Variants in COX15 observed in about 807,000 individuals in gnomAD.
The protein encoded by COX15 is heme A synthase COX15.
A neutral mutation model predicts 51.9 loss-of-function variants in COX15; 51 were observed. The ratio of observed to expected loss-of-function variants is 0.98; its 90% CI spans 0.78 to 1.24. The LOEUF is 1.24. Among genes scored for constraint, COX15 ranks in the 50% most tolerant of loss-of-function variants. COX15 has a pLI of 0.00. For missense variants in COX15, 420 were observed against 501.1 expected (o/e 0.84, Z 1.55); for synonymous variants, 188 against 190.5 (o/e 0.99, Z 0.11).
chr10:99,696,195 T>A, the COX15 span: 1 of 1,549,532 alleles, frequency 6.5e-7, no homozygotes, highest in Admixed American at 1.8e-5. Flanking sequence ...AATACTCACA[T>A]CCTCCTAAGA....
At chr10:99,710,191 C>CA, downstream of COX15, 1 of 985,428 alleles carries the variant, frequency 1.0e-6, no homozygotes, top group Non-Finnish European at 1.2e-6. Context: ...GCCCCTCCTA[C>CA]AGAGCACTTG....
At chr10:99,709,462 T>C, downstream of COX15, 1 of 985,424 alleles carries the variant, frequency 1.0e-6, no homozygotes, top group Non-Finnish European at 1.2e-6. Context: ...TTTCCTGGTG[T>C]TACAAAAAAT....
At chr10:99,717,002 C>T (rs2036600739) in intron 7 of COX15, among the ~76,000 whole-genome samples, 1 of 152,164 alleles carries the variant, frequency 6.6e-6, no homozygotes. Context: ...AGAATGTTTT[C>T]TATCATATTT....
In COX15 at chr10:99,726,963, C is replaced by A; in HGVS notation, c.582+5G>T. The A allele has an allele frequency of 6.2e-7, 1 of 1,601,664 alleles. No individual in the cohort carries two copies. The highest frequency in any genetic ancestry group is 8.5e-7 in the Non-Finnish European group (1 of 1,172,750). ...TCTGGTTTCTCAACCTTGAATAAATCTTACCTGGAAGCAGACGAGGCCACA... is the reference window on the plus strand; with the variant it reads ...TCTGGTTTCTCAACCTTGAATAAATATTACCTGGAAGCAGACGAGGCCACA... On this transcript the variant is annotated splice_donor_5th_base_variant and intron_variant, in intron 4 of 8. Transcript: ENST00000016171.
chr10:99,724,219 T>C (rs1305371009), intron 4 of COX15, 96 bp from the exon 5 acceptor site: 3 of 1,412,234 alleles, frequency 2.1e-6, no homozygotes, highest in Non-Finnish European at 3.0e-6. Context: ...AGTCTCACTC[T>C]GTCACCAGGC....
Position 99,714,348 on chromosome 10 carries a change from T to C in COX15, c.*239A>G. On this transcript the variant is annotated 3_prime_UTR_variant, in exon 9 of 9. Transcript: ENST00000016171. ...AGCAAATGGCAGACATTTCTTTCTC[T>C]ACATTAAAACTGATTTTCAACATGA... The C allele has an allele frequency of 6.1e-6, 8 of 1,307,250 alleles. No homozygotes were observed. In the South Asian group the frequency reaches 1.3e-4, roughly 20 times the overall value. The allele number at this position is 1,307,250 out of a possible 1,614,324, so 81.0% of individuals were successfully genotyped here. A position where few individuals can be genotyped will look rare whatever the true frequency, so the allele number is the denominator to read the frequency against.
rs1042195456 is a variant in COX15, at chr10:99,711,704, A to G, written c.*2883T>C. ...GCTTTGGGATTTTTCTAAGATTCAAATAAGAGAGAAGTTGGGAATCTCTTC... is the reference window on the plus strand; with the variant it reads ...GCTTTGGGATTTTTCTAAGATTCAAGTAAGAGAGAAGTTGGGAATCTCTTC... On this transcript the variant is annotated 3_prime_UTR_variant, in exon 9 of 9. Transcript: ENST00000016171. The G allele has an allele frequency of 1.7e-5, 17 of 985,314 alleles. No individual in the cohort carries two copies. The African/African-American group carries it at 2.1e-4, about 12-fold the overall frequency. The allele number at this position is 985,314 out of a possible 1,614,324, so 61.0% of individuals were successfully genotyped here. A position where few individuals can be genotyped will look rare whatever the true frequency, so the allele number is the denominator to read the frequency against.
chr10:99,721,903 G>A (rs971561094), intron 5 of COX15, among the ~76,000 whole-genome samples: 4 of 151,370 alleles, frequency 2.6e-5, no homozygotes, highest in East Asian at 1.9e-4. Flanking sequence ...TCACTTTGTC[G>A]CCCAGACTGG....
rs2036458665 is a variant in COX15 at position 99,713,315 on chromosome 10, A to C, written c.*1272T>G. Reference sequence around the variant, plus strand: ...ATTTAAATGAGTATGTTACATTTCTAATCTGTTTAATTTCATCTCGATGGG... The same window carrying C: ...ATTTAAATGAGTATGTTACATTTCTCATCTGTTTAATTTCATCTCGATGGG... On this transcript the variant is annotated 3_prime_UTR_variant, in exon 9 of 9. Transcript: ENST00000016171. 1.9e-6 allele frequency: 3 copies of C among 1,593,412 alleles called. No individual in the cohort carries two copies. The highest frequency in any genetic ancestry group is 2.6e-6 in the Non-Finnish European group (3 of 1,165,580).
chr10:99,712,924 G>T lies in COX15; in HGVS notation c.*1663C>A. On this transcript the variant is annotated 3_prime_UTR_variant, in exon 9 of 9. Transcript: ENST00000016171. ...TCAACTTCTCAAGGACAGGAATCTTGCTCTCTCTCCAGATGTTCTCTGCTC... is the reference window on the plus strand; with the variant it reads ...TCAACTTCTCAAGGACAGGAATCTTTCTCTCTCTCCAGATGTTCTCTGCTC... The T allele has an allele frequency of 5.2e-6, 4 of 772,834 alleles. No individual in the cohort carries two copies. Among genetic ancestry groups the T allele is most frequent in the Non-Finnish European group, 6.3e-6 (4 of 632,662 alleles). 47.9% of individuals were successfully genotyped at this position (772,834 alleles called of 1,614,324 possible). A position where few individuals can be genotyped will look rare whatever the true frequency, so the allele number is the denominator to read the frequency against.
chr10:99,710,704 GACC>G (rs1285514203), downstream of COX15: 4 of 985,258 alleles, frequency 4.1e-6, no homozygotes, highest in Admixed American at 1.8e-4. Flanking sequence ...TTCATCCCAG[GACC>G]ACAAGGGTAG....
the COX15 span, chr10:99,696,012 C>G: frequency 1.9e-6 from 3 of 1,614,156 alleles, no homozygotes; most frequent in Non-Finnish European, 2.5e-6. Flanking sequence ...ATGTGCAACA[C>G]ACTGAACACG....
chr10:99,727,327 A>T (rs2036992818), intron 3 of COX15, 114 bp downstream of exon 3: 2 of 1,522,214 alleles, frequency 1.3e-6, no homozygotes, highest in Non-Finnish European at 9.0e-7. Context: ...AGACAAGCTG[A>T]CTAAACATAA....
rs1444527157 is a variant in COX15, at chr10:99,731,946, C to T, written c.90+14G>A. The T allele has an allele frequency of 6.2e-7, 1 of 1,604,344 alleles. No individual in the cohort carries two copies. Among genetic ancestry groups the T allele is most frequent in the South Asian group, 1.1e-5 (1 of 89,560 alleles). ...CCCCGCTCCCGCGACTCGGAGTCCGCTGCAGTGCGGTACCTGTGCTCTAGG... is the reference window on the plus strand; with the variant it reads ...CCCCGCTCCCGCGACTCGGAGTCCGTTGCAGTGCGGTACCTGTGCTCTAGG... On this transcript the variant is annotated intron_variant, in intron 1 of 8. Transcript: ENST00000016171.
chr10:99,721,153 G>A (rs2036756520), intron 5 of COX15, 85 bp from the exon 6 acceptor site: 8 of 1,032,322 alleles, frequency 7.7e-6, no homozygotes, highest in Non-Finnish European at 1.0e-5. Flanking sequence ...AAACCCAAGT[G>A]ACAAATTAAG....
Position 99,711,730 on chromosome 10 carries a change from T to C in COX15, c.*2857A>G, listed in dbSNP as rs576268362. 2.5e-4 allele frequency: 247 copies of C among 985,456 alleles called. No individual in the cohort carries two copies. The highest frequency in any genetic ancestry group is 2.9e-4 in the Non-Finnish European group (240 of 829,942). The allele number at this position is 985,456 out of a possible 1,614,324, so 61.0% of individuals were successfully genotyped here. A position where few individuals can be genotyped will look rare whatever the true frequency, so the allele number is the denominator to read the frequency against. ...TAAGAGAGAAGTTGGGAATCTCTTC[T>C]AGGCAATAGCATAAGCCCAGCCAGG... On this transcript the variant is annotated 3_prime_UTR_variant, in exon 9 of 9. Transcript: ENST00000016171.
At chr10:99,706,903 A>G (rs2036264933), downstream of COX15, among the ~76,000 whole-genome samples, 1 of 152,244 alleles carries the variant, frequency 6.6e-6, no homozygotes, top group Admixed American at 6.5e-5. Context: ...ACTGGCTAAC[A>G]GTGATCATGT....
the COX15 span, chr10:99,702,457 A>G: frequency 6.9e-7 from 1 of 1,445,296 alleles, no homozygotes; most frequent in Non-Finnish European, 9.2e-7. Context: ...ATTGCAAAGG[A>G]AAGTATTAGA....
chr10:99,729,384 C>G (rs904858829), intron 2 of COX15, among the ~76,000 whole-genome samples, 169 bp downstream of exon 2: 7 of 149,834 alleles, frequency 4.7e-5, no homozygotes, highest in Non-Finnish European at 1.0e-4. Flanking sequence ...CGCTTGAACT[C>G]AGGAGACGGA....
Sources: allele counts gnomAD v4.1 joint callset (sites outside exome capture counted in the v4.1 genomes callset), GRCh38; gene constraint gnomAD v4.1.1; transcripts MANE v1.5; gene names NCBI Gene and HGNC (gene_info 2026-07-23, HGNC 2026-07-21).